Variants in TMEM255A observed in about 807,000 individuals in gnomAD.
The protein encoded by TMEM255A is transmembrane protein 255A.
Under a neutral mutation model 23.5 loss-of-function variants are expected in TMEM255A, and 14 were observed. That is an observed-to-expected ratio of 0.60 (90% CI 0.39 to 0.93). The LOEUF is 0.93. Among genes scored for constraint, TMEM255A ranks in the 40% least tolerant of loss-of-function variants. TMEM255A has a pLI of 0.00. For missense variants in TMEM255A, 233 were observed against 261.7 expected (o/e 0.89, Z 0.76); for synonymous variants, 104 against 100.3 (o/e 1.04, Z -0.22).
At chrX:120,310,117 T>G (rs1556027967) in intron 1 of TMEM255A, 1 of 111,364 alleles carries the variant, frequency 9.0e-6, no homozygotes, top group Non-Finnish European at 1.9e-5. Flanking sequence ...CTGAGCAGAC[T>G]GATGGCAGGA....
At chrX:120,279,609 G>C (rs2057823116) in intron 6 of TMEM255A, among the ~76,000 whole-genome samples, 1 of 112,392 alleles carries the variant, frequency 8.9e-6, no homozygotes, top group Admixed American at 9.4e-5. Flanking sequence ...TGGACTAGTA[G>C]TATATATAGG....
chrX:120,257,648 T>C (rs1556015743), downstream of TMEM255A: 4 of 123,209 alleles, frequency 3.2e-5, no homozygotes, highest in Non-Finnish European at 1.9e-5. Flanking sequence ...GAAAATTAAA[T>C]TGTATTTTTG....
At position 120,285,662 on chromosome X, in the gene TMEM255A, G is replaced by A. The variant is rs199660806; in HGVS notation, c.424-447C>T. The A allele has an allele frequency of 1.5e-5, 18 of 1,209,215 alleles. No homozygotes were observed. The highest frequency in any genetic ancestry group is 6.6e-5 in the Admixed American group (3 of 45,749). On this transcript the variant is annotated intron_variant, in intron 5 of 8. Transcript: ENST00000371369. ...CTGGGTAAGGTTCCTCATAACCCTC[G>A]TGGAAGGAGAATTTTTGGTTGAGGA...
In TMEM255A at chrX:120,311,359, C is replaced by T. The variant is rs1556028409; in HGVS notation, c.-50G>A. 9.2e-7 allele frequency: 1 copy of T among 1,083,587 alleles called. No homozygotes were observed. The highest frequency in any genetic ancestry group is 3.3e-5 in the East Asian group (1 of 30,441). The allele number at this position is 1,083,587 out of a possible 1,213,427, so 89.3% of individuals were successfully genotyped here. A position where few individuals can be genotyped will look rare whatever the true frequency, so the allele number is the denominator to read the frequency against. ...GTCCCCGAAGCTGCTTCAAGCGCCC[C>T]CGGCTCTGGGCGCCCCGCAGAGCAT... On this transcript the variant is annotated 5_prime_UTR_variant, in exon 1 of 9. Transcript: ENST00000371369.
At chrX:120,264,565 A>G (rs1321503203) in intron 8 of TMEM255A, among the ~76,000 whole-genome samples, 6 of 111,325 alleles carry the variant, frequency 5.4e-5, no homozygotes, top group African/African-American at 1.6e-4. Flanking sequence ...ACAAAACATT[A>G]TAAGTCTTTT....
chrX:120,293,559 G>A (rs1332410775), intron 3 of TMEM255A, among the ~76,000 whole-genome samples: 1 of 112,747 alleles, frequency 8.9e-6, no homozygotes, highest in Non-Finnish European at 1.9e-5. Flanking sequence ...TAAAAGGCAG[G>A]AACTCTCTGT....
rs782586416 is a variant in TMEM255A at position 120,291,071 on chromosome X, T to A, written c.354+180A>T. 3.6e-5 allele frequency among the ~76,000 whole-genome samples: 4 copies of A among 111,607 alleles called. No homozygotes were observed. The East Asian group carries it at 1.1e-3, about 31-fold the overall frequency. ...CCCAGCTTAGACCTCATTCTCTAGA[T>A]GTCCGCGTGTCCATTGGTGTCTTCA... On this transcript the variant is annotated intron_variant, in intron 4 of 8. Transcript: ENST00000371369.
intron 8 of TMEM255A, among the ~76,000 whole-genome samples, chrX:120,265,864 G>A (rs782163853): frequency 2.7e-5 from 3 of 110,340 alleles, no homozygotes; most frequent in African/African-American, 9.9e-5. Context: ...GTAAGGGTGG[G>A]CCAGGCACGG....
chrX:120,300,169 T>C (rs781931428), intron 2 of TMEM255A, among the ~76,000 whole-genome samples: 1 of 111,222 alleles, frequency 9.0e-6, no homozygotes, highest in African/African-American at 3.3e-5. Flanking sequence ...CTCTTTTTCC[T>C]GCATCTAAGG....
rs1368283807 is a variant in TMEM255A, at chrX:120,296,972, T to TA, written c.202-2922_202-2921insT. Among the ~76,000 whole-genome samples the TA allele has an allele frequency of 9.8e-3, 16 of 1,634 alleles. 1 individual carries two copies. Among genetic ancestry groups the TA allele is most frequent in the Admixed American group, 0.034 (2 of 59 alleles). 1.4% of individuals were successfully genotyped at this position (1,634 alleles called of 115,157 possible). A position where few individuals can be genotyped will look rare whatever the true frequency, so the allele number is the denominator to read the frequency against. ...TATATATTATATATAATATATAATA[T>TA]TATATATATTATATATATATTATAT... On this transcript the variant is annotated intron_variant, in intron 2 of 8. Coordinates refer to ENST00000371369, the MANE Select transcript of TMEM255A (RefSeq NM_001104544.3).
chrX:120,296,381 T>TC (rs782421699), intron 2 of TMEM255A, among the ~76,000 whole-genome samples: 1 of 13,151 alleles, frequency 7.6e-5, no homozygotes, highest in East Asian at 2.5e-3. Flanking sequence ...CCCCTTCTCC[T>TC]CTATTCTATT....
chrX:120,291,961 A>G lies in TMEM255A; in HGVS notation c.265-621T>C, dbSNP rs141313864. ...AAGACTTACATGTCAAGGACATTTT[A>G]CAAAGGATTGAAGTCTCTGAATCAA... On this transcript the variant is annotated intron_variant, in intron 3 of 8. Transcript: ENST00000371369. 9.4e-3 allele frequency among the ~76,000 whole-genome samples: 1,046 copies of G among 111,445 alleles called. 13 individuals are homozygous for G. Among genetic ancestry groups the G allele is most frequent in the African/African-American group, 0.033 (1,000 of 30,600 alleles).
chrX:120,298,960 G>A (rs187528253), intron 2 of TMEM255A, among the ~76,000 whole-genome samples: 171 of 111,035 alleles, frequency 1.5e-3, no homozygotes, highest in African/African-American at 5.4e-3. Flanking sequence ...CCCCAAGGCA[G>A]AAAAGCCCAA....
chrX:120,276,780 G>A, intron 7 of TMEM255A, 105 bp downstream of exon 7: 1 of 881,858 alleles, frequency 1.1e-6, no homozygotes, highest in Non-Finnish European at 1.6e-6. Flanking sequence ...AATTGCTTCT[G>A]ATTCTTCCCT....
At chrX:120,301,425 T>C (rs1556025997) in intron 2 of TMEM255A, among the ~76,000 whole-genome samples, 2 of 112,308 alleles carry the variant, frequency 1.8e-5, no homozygotes, top group Non-Finnish European at 3.8e-5. Flanking sequence ...TTTTTCACAG[T>C]TCTATACATT....
At chrX:120,309,206 C>T (rs1255508467) in intron 1 of TMEM255A, among the ~76,000 whole-genome samples, 1 of 112,691 alleles carries the variant, frequency 8.9e-6, no homozygotes, top group Non-Finnish European at 1.9e-5. Context: ...TTGCCAGTGC[C>T]GTCGGTCTGC....
Position 120,291,244 on chromosome X carries a change from T to C in TMEM255A, c.354+7A>G. On this transcript the variant is annotated splice_region_variant and intron_variant, in intron 4 of 8. Coordinates refer to ENST00000371369, the MANE Select transcript of TMEM255A (RefSeq NM_001104544.3). Reference sequence around the variant, plus strand: ...TTTACTTTAACTCAGGACGAAAAAATACTCACAATGTGTCTGGCAGCAAAG... The same window carrying C: ...TTTACTTTAACTCAGGACGAAAAAACACTCACAATGTGTCTGGCAGCAAAG... 1 of 1,199,954 alleles carries C rather than the reference T, an allele frequency of 8.3e-7. No individual in the cohort carries two copies. The highest frequency in any genetic ancestry group is 1.1e-6 in the Non-Finnish European group (1 of 886,678).
chrX:120,252,546 A>G, the TMEM255A span: 2 of 112,149 alleles, frequency 1.8e-5, no homozygotes, highest in Admixed American at 9.4e-5. Flanking sequence ...GGTGTGGAAA[A>G]AATTCTCATA....
At chrX:120,262,291 A>AAAAT (rs781784135) in intron 8 of TMEM255A, among the ~76,000 whole-genome samples, 30 of 111,384 alleles carry the variant, frequency 2.7e-4, no homozygotes, top group Non-Finnish European at 4.3e-4. Context: ...CTCCGTCTCG[A>AAAAT]AAATAAATAA....
Sources: allele counts gnomAD v4.1 joint callset (sites outside exome capture counted in the v4.1 genomes callset), GRCh38; gene constraint gnomAD v4.1.1; transcripts MANE v1.5; gene names NCBI Gene and HGNC (gene_info 2026-07-23, HGNC 2026-07-21).